RBM19: variants seen among roughly 807,000 people sequenced by gnomAD.
RBM19 encodes the protein probable RNA-binding protein 19.
Under a neutral mutation model 116.8 loss-of-function variants are expected in RBM19, and 94 were observed. The ratio of observed to expected loss-of-function variants is 0.80; its 90% confidence interval spans 0.68 to 0.95. The LOEUF (loss-of-function observed/expected upper bound fraction) is 0.95. Ranked by LOEUF, RBM19 falls within the 40% of genes least tolerant of loss-of-function variation. The pLI is 0.00. For synonymous variants in RBM19, 475 were observed against 494.1 expected (o/e 0.96, Z 0.51); for missense variants, 1,161 against 1,220.7 (o/e 0.95, Z 0.73).
In RBM19 at chr12:113,962,384, C is replaced by T; in HGVS notation, c.67G>A (p.Ala23Thr). 6.2e-7 allele frequency: 1 copy of T among 1,614,124 alleles called. No homozygotes were observed. ...CAGTCTGTCAGCGTGCCGAAGGCGG[C>T]AAACAGCTGCCTGAAACGCTCCTCC... ...MKEERFRQLF[A>T]AFGTLTDCSL... Residue 23 changes from alanine to threonine, a missense_variant, in exon 2 of 24, where the codon GCC (alanine) becomes ACC (threonine). Transcript: ENST00000261741.
intron 14 of RBM19, among the ~76,000 whole-genome samples, chr12:113,941,390 G>T (rs931432291): frequency 6.6e-6 from 1 of 152,226 alleles, no homozygotes; most frequent in African/African-American, 2.4e-5. Flanking sequence ...TCACCCCTCT[G>T]TGACTGTGGT....
At chr12:113,931,665 T>C (rs555573332) in intron 16 of RBM19, among the ~76,000 whole-genome samples, 1 of 152,094 alleles carries the variant, frequency 6.6e-6, no homozygotes, top group Admixed American at 6.5e-5. Context: ...TGGTCTCTTT[T>C]CTGATGGCCG....
Position 113,822,098 on chromosome 12 carries a change from T to G in RBM19, c.*1126A>C, listed in dbSNP as rs932830664. ...TGGGCTTTACTTGGCTTGACTCACT[T>G]AATTCTGGCACTGTCTATCTGAGGT... On this transcript the variant is annotated 3_prime_UTR_variant, in exon 24 of 24. Transcript: ENST00000261741. 4 of 152,354 alleles carry G rather than the reference T, an allele frequency of 2.6e-5. No individual in the cohort carries two copies. Among genetic ancestry groups the G allele is most frequent in the Admixed American group, 1.3e-4 (2 of 15,306 alleles). 9.4% of individuals were successfully genotyped at this position (152,354 alleles called of 1,614,324 possible).
intron 1 of RBM19, 34 bp from the exon 2 acceptor site, chr12:113,962,448 G>A: frequency 6.3e-7 from 1 of 1,589,154 alleles, no homozygotes; most frequent in Non-Finnish European, 8.6e-7. Context: ...GAGACGAACT[G>A]GAAAGTCCCC....
chr12:113,886,885 G>A (rs1206502435), intron 21 of RBM19, among the ~76,000 whole-genome samples: 2 of 152,158 alleles, frequency 1.3e-5, no homozygotes, highest in Non-Finnish European at 2.9e-5. Flanking sequence ...GTGTGCAAGC[G>A]CAGAGGACTT....
chr12:113,878,554 G>A (rs1879835060), intron 21 of RBM19, among the ~76,000 whole-genome samples: 1 of 151,482 alleles, frequency 6.6e-6, no homozygotes, highest in Admixed American at 6.6e-5. Flanking sequence ...CCAGGAGAAG[G>A]GACAAGCCAC....
intron 21 of RBM19, among the ~76,000 whole-genome samples, chr12:113,865,082 C>T (rs1037961562): frequency 2.0e-5 from 3 of 152,166 alleles, no homozygotes; most frequent in African/African-American, 7.2e-5. Context: ...TTTCTGAGCT[C>T]CTTACTTGGG....
chr12:113,835,682 C>T (rs1183766924), intron 23 of RBM19, among the ~76,000 whole-genome samples: 4 of 152,196 alleles, frequency 2.6e-5, no homozygotes, highest in Non-Finnish European at 4.4e-5. Context: ...AGCACTTCTC[C>T]GGGCACTCTG....
At chr12:113,911,647 C>T (rs1277246373) in intron 21 of RBM19, among the ~76,000 whole-genome samples, 3 of 152,110 alleles carry the variant, frequency 2.0e-5, no homozygotes, top group African/African-American at 4.8e-5. Flanking sequence ...CGATGAGCAG[C>T]GTGGTGGCCT....
chr12:113,830,147 G>C (rs1192512213), intron 23 of RBM19, among the ~76,000 whole-genome samples: 2 of 152,176 alleles, frequency 1.3e-5, no homozygotes, highest in South Asian at 2.1e-4. Flanking sequence ...CCCGCAGAGG[G>C]GGACACTAGC....
intron 21 of RBM19, among the ~76,000 whole-genome samples, chr12:113,879,503 T>C (rs1468043368): frequency 1.3e-5 from 2 of 149,536 alleles, no homozygotes; most frequent in Non-Finnish European, 3.0e-5. Flanking sequence ...CTTCAAACAC[T>C]AGCCCCTCCC....
At chr12:113,844,547 G>T in intron 23 of RBM19, 121 bp downstream of exon 23, 1 of 1,347,188 alleles carries the variant, frequency 7.4e-7, no homozygotes, top group Non-Finnish European at 9.8e-7. Context: ...AGCAGGAGGT[G>T]CTTGGCAGCC....
At position 113,952,476 on chromosome 12, in the gene RBM19, A is replaced by G. The variant is rs188138969; in HGVS notation, c.1000+36T>C. 84 of 1,570,340 alleles carry G rather than the reference A, an allele frequency of 5.3e-5. No individual in the cohort carries two copies. In the Admixed American group the frequency reaches 7.4e-4, roughly 14 times the overall value. Reference sequence around the variant, plus strand: ...CCCCAACCTTCAATCTTCACTGTCTACCCGCCTTCCCACCTGGAAACATCC... The same window carrying G: ...CCCCAACCTTCAATCTTCACTGTCTGCCCGCCTTCCCACCTGGAAACATCC... On this transcript the variant is annotated intron_variant, in intron 8 of 23. Coordinates refer to ENST00000261741, the MANE Select transcript of RBM19 (RefSeq NM_016196.4).
intron 13 of RBM19, among the ~76,000 whole-genome samples, chr12:113,944,555 T>C (rs1870854942): frequency 1.3e-5 from 2 of 152,208 alleles, no homozygotes; most frequent in South Asian, 4.1e-4. Flanking sequence ...CCCAACACTT[T>C]GGGAGGCCAA....
At chr12:113,846,018 A>C (rs1202436749) in intron 22 of RBM19, among the ~76,000 whole-genome samples, 1 of 152,228 alleles carries the variant, frequency 6.6e-6, no homozygotes, top group Non-Finnish European at 1.5e-5. Context: ...GTATGGGCAC[A>C]CCATAATTAC....
intron 8 of RBM19, 140 bp downstream of exon 8, chr12:113,952,372 G>T: frequency 1.4e-6 from 1 of 722,230 alleles, no homozygotes; most frequent in Non-Finnish European, 2.3e-6. Flanking sequence ...ACCTGCCCAG[G>T]CTGACCACAT....
intron 1 of RBM19, among the ~76,000 whole-genome samples, chr12:113,963,325 T>G (rs754393736): frequency 1.6e-4 from 24 of 152,244 alleles, no homozygotes; most frequent in South Asian, 4.1e-4. Context: ...CCATCTTCAC[T>G]GCAGCCAGGC....
At chr12:113,830,687 C>T (rs991146917) in intron 23 of RBM19, among the ~76,000 whole-genome samples, 4 of 151,652 alleles carry the variant, frequency 2.6e-5, no homozygotes, top group South Asian at 2.1e-4. Flanking sequence ...GGGAGTGTCC[C>T]GGTGAGGGTG....
At chr12:113,870,803 T>C (rs1230072547) in intron 21 of RBM19, among the ~76,000 whole-genome samples, 3 of 152,156 alleles carry the variant, frequency 2.0e-5, no homozygotes, top group Non-Finnish European at 4.4e-5. Context: ...TTCTGCTTAC[T>C]GGTCAAGAGG....
Sources: allele counts gnomAD v4.1 joint callset (sites outside exome capture counted in the v4.1 genomes callset), GRCh38; gene constraint gnomAD v4.1.1; transcripts MANE v1.5; gene names NCBI Gene and HGNC (gene_info 2026-07-23, HGNC 2026-07-21).